The following RAB11B variants were observed in gnomAD, a reference collection of about 807,000 sequenced individuals.
RAB11B encodes the protein ras-related protein Rab-11B.
In RAB11B, 7 loss-of-function variants were observed where a neutral mutation model predicts 23.7. That is an observed-to-expected ratio of 0.29 (90% confidence interval 0.17 to 0.55). The LOEUF (loss-of-function observed/expected upper bound fraction) is 0.55, where lower values mean the gene tolerates loss of function less well. RAB11B is among the 20% of genes least tolerant of loss of function. The pLI is 0.93. For missense variants in RAB11B, 189 were observed against 320.0 expected (o/e 0.59, Z 3.12); for synonymous variants, 138 against 132.0 (o/e 1.05, Z -0.31).
intron 4 of RAB11B, 93 bp from the exon 5 acceptor site, chr19:8,403,320 G>C: frequency 1.3e-6 from 2 of 1,494,688 alleles, no homozygotes; most frequent in Non-Finnish European, 1.8e-6. Flanking sequence ...TGGGGGTCTG[G>C]AGAGGGCCTC....
intron 4 of RAB11B, chr19:8,402,866 T>C: frequency 1.9e-6 from 1 of 531,904 alleles, no homozygotes; most frequent in East Asian, 3.3e-5. Flanking sequence ...TTTCACAATG[T>C]TGTCCAGGTT....
At chr19:8,399,794 G>T (rs147509272) in intron 1 of RAB11B, 69 bp from the exon 2 acceptor site, 30,342 of 1,552,448 alleles carry the variant, frequency 0.02, 348 homozygotes, top group Non-Finnish European at 0.022. Flanking sequence ...CCAGGGAACC[G>T]GCGGGAAGGT....
At chr19:8,402,007 G>T in intron 2 of RAB11B, 79 bp from the exon 3 acceptor site, 1 of 1,422,692 alleles carries the variant, frequency 7.0e-7, no homozygotes. Flanking sequence ...CCCTGGGCGT[G>T]ATGTGTGCTG....
intron 1 of RAB11B, among the ~76,000 whole-genome samples, chr19:8,399,316 G>A (rs1599687133): frequency 6.6e-6 from 1 of 152,256 alleles, no homozygotes; most frequent in East Asian, 1.9e-4. Flanking sequence ...TCGAACTCCC[G>A]ACCTCAAGTG....
chr19:8,403,604 CCG>C lies in RAB11B; in HGVS notation c.*48_*49del. 6.4e-7 allele frequency: 1 copy of C among 1,574,470 alleles called. No individual in the cohort carries two copies. On this transcript the variant is annotated 3_prime_UTR_variant, in exon 5 of 5. Transcript: ENST00000328024. ...GTGCGTGCACGTCCTCCGCCCGCCC[CCG>C]CCACGGTATCCTCTGGCCCCTCCCT... is the stretch of plus-strand genomic sequence containing the variant.
rs1422251054 is a variant in RAB11B, at chr19:8,396,711, G to GT, written c.41-3152_41-3151insT. On this transcript the variant is annotated intron_variant, in intron 1 of 4. Coordinates refer to ENST00000328024, the MANE Select transcript of RAB11B (RefSeq NM_004218.4). The surrounding 1 kb of genome is among the most constrained non-coding windows in gnomAD (Gnocchi z 5.0). ...TGTGTGGCTGGAGCAGAGTGAGCCGGGGGGGGGGCGGGAGGGAGGAGGGGA... is the reference window on the plus strand; with the variant it reads ...TGTGTGGCTGGAGCAGAGTGAGCCGGTGGGGGGGGCGGGAGGGAGGAGGGGA... Among the ~76,000 whole-genome samples, 12 of 133,066 alleles carry GT rather than the reference G, an allele frequency of 9.0e-5. No individual in the cohort carries two copies. The highest frequency in any genetic ancestry group is 4.6e-4 in the Admixed American group (6 of 13,106). 87.3% of individuals were successfully genotyped at this position (133,066 alleles called of 152,430 possible). A position where few individuals can be genotyped will look rare whatever the true frequency, so the allele number is the denominator to read the frequency against.
At chr19:8,390,604 C>A in intron 1 of RAB11B, 148 bp downstream of exon 1, 1 of 832,718 alleles carries the variant, frequency 1.2e-6, no homozygotes, top group Non-Finnish European at 1.6e-6. Context: ...CCGGAGCCGA[C>A]CGGGCAGCAT....
Position 8,396,265 on chromosome 19 carries a change from C to A in RAB11B, c.41-3598C>A, listed in dbSNP as rs1026447022. ...TGGCCCAAGGGTGGTGACCTGGCAT[C>A]CTCTAGGTATGGGGCAGGCGGCATG... On this transcript the variant is annotated intron_variant, in intron 1 of 4. Coordinates refer to ENST00000328024, the MANE Select transcript of RAB11B (RefSeq NM_004218.4). This position sits in a 1 kb window ranked among gnomAD's most constrained non-coding sequence, Gnocchi z 5.0. Among the ~76,000 whole-genome samples the A allele has an allele frequency of 6.6e-6, 1 of 152,170 alleles. No individual in the cohort carries two copies. The highest frequency in any genetic ancestry group is 1.5e-5 in the Non-Finnish European group (1 of 68,026).
rs1437902263 is a variant in RAB11B, at chr19:8,402,153, G to C, written c.304G>C (p.Val102Leu). Reference sequence around the variant, plus strand: ...CGCCAAGCACCTGACCTATGAGAACGTGGAGCGCTGGCTGAAGGAGCTGCG... The same window carrying C: ...CGCCAAGCACCTGACCTATGAGAACCTGGAGCGCTGGCTGAAGGAGCTGCG... The part of the protein sequence containing the change: ...DIAKHLTYEN[V>L]ERWLKELRDH... The change falls in exon 3 of 5, where the codon GTG becomes CTG. Residue 102 changes from valine (V) to leucine (L), a missense_variant. By Grantham distance (32) the Val-to-Leu change is conservative (BLOSUM62 1). This residue lies in a region of RAB11B where 122 missense variants were observed against 170.8 expected (regional missense o/e 0.71). Coordinates refer to ENST00000328024, the MANE Select transcript of RAB11B (RefSeq NM_004218.4). 7 of 1,607,944 alleles carry C rather than the reference G, an allele frequency of 4.4e-6. No individual in the cohort carries two copies. The highest frequency in any genetic ancestry group is 5.1e-6 in the Non-Finnish European group (6 of 1,177,280).
rs1451796029 is a variant in RAB11B, at chr19:8,403,828, C to A, written c.*270C>A. 1 of 448,856 alleles carries A rather than the reference C, an allele frequency of 2.2e-6. No homozygotes were observed. The highest frequency in any genetic ancestry group is 3.9e-6 in the Non-Finnish European group (1 of 254,528). The allele number at this position is 448,856 out of a possible 1,614,324, so 27.8% of individuals were successfully genotyped here. ...GGGGAGGGCGGCAGGATGGACGGGG[C>A]TGGCCAGAGGCGAGGAGGACGGGCG... On this transcript the variant is annotated 3_prime_UTR_variant, in exon 5 of 5. Coordinates refer to ENST00000328024, the MANE Select transcript of RAB11B (RefSeq NM_004218.4).
At chr19:8,392,821 G>A (rs1307824900) in intron 1 of RAB11B, among the ~76,000 whole-genome samples, 5 of 150,178 alleles carry the variant, frequency 3.3e-5, no homozygotes, top group African/African-American at 1.2e-4. Context: ...CTCCCGAGTA[G>A]CTGGGATTAC....
At chr19:8,393,843 AC>A (rs1568227267) in intron 1 of RAB11B, among the ~76,000 whole-genome samples, 2 of 152,112 alleles carry the variant, frequency 1.3e-5, no homozygotes. Context: ...GGGCCACCAC[AC>A]TGTCATGGGG....
rs375511185 is a variant in RAB11B, at chr19:8,402,193, G to A, written c.344G>A (p.Ser115Asn). Residue 115 changes from serine to asparagine, a missense_variant, in exon 3 of 5, where the codon AGC (serine) becomes AAC (asparagine). Physicochemically the swap from Ser to Asn is conservative, Grantham distance 46. Transcript: ENST00000328024. ...WLKELRDHAD[S>N]NIVIMLVGNK... is the part of the protein sequence containing the mutation. ...AAGGAGCTGCGGGACCACGCAGACA[G>A]CAACATCGTCATCATGCTGGTGGGC... The A allele has an allele frequency of 4.4e-6, 7 of 1,592,970 alleles. No individual in the cohort carries two copies. In the Admixed American group the frequency reaches 1.2e-4, roughly 28 times the overall value.
At position 8,399,958 on chromosome 19, in the gene RAB11B, G is replaced by A. The variant is rs1971424915; in HGVS notation, c.136G>A (p.Val46Met). 1.9e-6 allele frequency: 3 copies of A among 1,614,240 alleles called. No individual in the cohort carries two copies. Among genetic ancestry groups the A allele is most frequent in the East Asian group, 2.2e-5 (1 of 44,888 alleles). Reference sequence around the variant, plus strand: ...CCTGGAGAGCAAGAGCACCATCGGCGTGGAGTTCGCCACCCGCAGCATCCA... The same window carrying A: ...CCTGGAGAGCAAGAGCACCATCGGCATGGAGTTCGCCACCCGCAGCATCCA... Reference protein sequence around the residue: ...FNLESKSTIGVEFATRSIQVD... With the variant: ...FNLESKSTIGMEFATRSIQVD... Residue 46 changes from valine (V) to methionine (M), a missense_variant, in exon 2 of 5, where the codon GTG (valine) becomes ATG (methionine). By Grantham distance (21) the Val-to-Met change is conservative. Coordinates refer to ENST00000328024, the MANE Select transcript of RAB11B (RefSeq NM_004218.4).
intron 1 of RAB11B, among the ~76,000 whole-genome samples, chr19:8,392,685 C>CTTTTTTTTTTTTTTTTTTTTT (rs74176644): frequency 1.3e-5 from 1 of 79,666 alleles, no homozygotes; most frequent in Non-Finnish European, 2.3e-5. Context: ...TTTTTCTTTT[C>CTTTTTTTTTTTTTTTTTTTTT]TTTTTTTTTT....
At position 8,390,528 on chromosome 19, in the gene RAB11B, TCCAGGCCGCTGGGC is replaced by T. The variant is rs1267158336; in HGVS notation, c.40+81_40+94del. ...GCGGGCAGACGGGCCAAGGCCGCGC[TCCAGGCCGCTGGGC>T]CCAGGCCGGAGCCCGGGGCTTGGGG... On this transcript the variant is annotated intron_variant, in intron 1 of 4. Coordinates refer to ENST00000328024, the MANE Select transcript of RAB11B (RefSeq NM_004218.4). The T allele has an allele frequency of 4.4e-5, 61 of 1,380,640 alleles. 2 individuals carry two copies. In the African/African-American group the frequency reaches 7.4e-4, roughly 17 times the overall value. The allele number at this position is 1,380,640 out of a possible 1,614,324, so 85.5% of individuals were successfully genotyped here. A position where few individuals can be genotyped will look rare whatever the true frequency, so the allele number is the denominator to read the frequency against.
At chr19:8,393,067 C>G (rs567755150) in intron 1 of RAB11B, among the ~76,000 whole-genome samples, 1 of 151,888 alleles carries the variant, frequency 6.6e-6, no homozygotes, top group Non-Finnish European at 1.5e-5. Context: ...GCAGATCCCC[C>G]GGGTGATGCC....
intron 1 of RAB11B, among the ~76,000 whole-genome samples, chr19:8,397,157 T>C (rs1971403580): frequency 6.6e-6 from 1 of 152,032 alleles, no homozygotes; most frequent in South Asian, 2.1e-4. Context: ...TGAGCAGGCT[T>C]AGGGAGTGAT....
At chr19:8,402,820 A>G in intron 4 of RAB11B, 1 of 563,998 alleles carries the variant, frequency 1.8e-6, no homozygotes, top group Non-Finnish European at 3.1e-6. Context: ...CTGCCACCAC[A>G]CCCGCTAATT....
Sources: allele counts gnomAD v4.1 joint callset (sites outside exome capture counted in the v4.1 genomes callset), GRCh38; gene constraint gnomAD v4.1.1; regional missense constraint gnomAD v4.1.1; non-coding constraint Gnocchi (gnomAD v3.1); transcripts MANE v1.5; gene names NCBI Gene and HGNC (gene_info 2026-07-23, HGNC 2026-07-21).